Variants in SRPK1 observed in about 807,000 individuals in gnomAD.
SRPK1 encodes the protein SFRS protein kinase 1.
Under a neutral mutation model 89.5 loss-of-function variants are expected in SRPK1, and 52 were observed. The ratio of observed to expected loss-of-function variants is 0.58; its 90% CI spans 0.46 to 0.73. The LOEUF (loss-of-function observed/expected upper bound fraction) is 0.73, where lower values mean the gene tolerates loss of function less well. SRPK1 is among the 30% of genes least tolerant of loss of function. SRPK1 has a pLI of 0.00. For missense variants in SRPK1, 603 were observed against 780.6 expected, an observed-to-expected ratio of 0.77 and a Z score of 2.71; for synonymous variants, 255 against 270.2, an observed-to-expected ratio of 0.94 and a Z score of 0.55.
At chr6:35,897,269 A>T (rs1770644933) in intron 2 of SRPK1, among the ~76,000 whole-genome samples, 1 of 152,236 alleles carries the variant, frequency 6.6e-6, no homozygotes, top group Admixed American at 6.5e-5. Context: ...ATTGAGAGGA[A>T]GAGAGAGATA....
At chr6:35,865,838 G>C (rs928980950) in intron 12 of SRPK1, among the ~76,000 whole-genome samples, 1 of 151,924 alleles carries the variant, frequency 6.6e-6, no homozygotes, top group Non-Finnish European at 1.5e-5. Flanking sequence ...TCATGACTAA[G>C]ACCTCAGGCA....
chr6:35,890,815 A>G, intron 3 of SRPK1, 80 bp downstream of exon 3: 1 of 1,289,542 alleles, frequency 7.8e-7, no homozygotes, highest in Non-Finnish European at 1.0e-6. Flanking sequence ...AACTGTGTTT[A>G]TGCTGATAGA....
At chr6:35,901,576 T>C (rs115701662) in intron 2 of SRPK1, among the ~76,000 whole-genome samples, 151 of 152,342 alleles carry the variant, frequency 9.9e-4, no homozygotes, top group African/African-American at 3.5e-3. Flanking sequence ...AAACCATGTT[T>C]GTATACTTAT....
intron 12 of SRPK1, among the ~76,000 whole-genome samples, chr6:35,861,287 G>T (rs1769777427): frequency 6.6e-6 from 1 of 152,182 alleles, no homozygotes; most frequent in Non-Finnish European, 1.5e-5. Flanking sequence ...TATGATCTTG[G>T]TTATGGGAGA....
At chr6:35,839,379 C>T (rs752796303) in intron 14 of SRPK1, among the ~76,000 whole-genome samples, 1 of 152,238 alleles carries the variant, frequency 6.6e-6, no homozygotes, top group Non-Finnish European at 1.5e-5. Context: ...CTTGAAACTT[C>T]AGGGCTAATA....
chr6:35,879,833 A>G (rs1770234821), intron 6 of SRPK1, among the ~76,000 whole-genome samples: 1 of 152,308 alleles, frequency 6.6e-6, no homozygotes, highest in East Asian at 1.9e-4. Context: ...TCACTTTCAG[A>G]AGCCAAGGCA....
chr6:35,890,820 G>T, intron 3 of SRPK1, 75 bp downstream of exon 3: 1 of 1,338,770 alleles, frequency 7.5e-7, no homozygotes, highest in East Asian at 2.6e-5. Flanking sequence ...TGTTTATGCT[G>T]ATAGATCAAA....
intron 12 of SRPK1, among the ~76,000 whole-genome samples, chr6:35,863,853 ATAT>A (rs1769839077): frequency 6.6e-6 from 1 of 152,204 alleles, no homozygotes; most frequent in East Asian, 1.9e-4. Flanking sequence ...AAAACACAGA[ATAT>A]TATAACACCG....
Position 35,893,502 on chromosome 6 carries a change from G to A in SRPK1, c.75-2489C>T, listed in dbSNP as rs1173218603. ...CTTGTCTCAAAAAAAAAAGGGGTGG[G>A]GGATGATTAACTGAAGGCTTGTATA... On this transcript the variant is annotated intron_variant, in intron 2 of 15. Coordinates refer to ENST00000373825, the MANE Select transcript of SRPK1 (RefSeq NM_003137.5). Among the ~76,000 whole-genome samples the A allele has an allele frequency of 2.0e-5, 3 of 151,802 alleles. No individual in the cohort carries two copies. In the South Asian group the frequency reaches 6.2e-4, roughly 32 times the overall value.
At chr6:35,879,654 C>T (rs796500959) in intron 6 of SRPK1, among the ~76,000 whole-genome samples, 4 of 152,264 alleles carry the variant, frequency 2.6e-5, no homozygotes, top group African/African-American at 9.6e-5. Flanking sequence ...AAAAGAAAAT[C>T]ACAAGGCATA....
intron 2 of SRPK1, among the ~76,000 whole-genome samples, chr6:35,903,206 A>T (rs187036555): frequency 6.6e-6 from 1 of 152,272 alleles, no homozygotes; most frequent in Non-Finnish European, 1.5e-5. Context: ...GCTTACCCTA[A>T]TATTTCAGGA....
At chr6:35,864,238 C>A (rs1769846666) in intron 12 of SRPK1, among the ~76,000 whole-genome samples, 1 of 151,882 alleles carries the variant, frequency 6.6e-6, no homozygotes, top group African/African-American at 2.4e-5. Flanking sequence ...AGAAAACAAT[C>A]AACAAAGTGA....
At chr6:35,868,327 A>C (rs1249742918) in intron 12 of SRPK1, among the ~76,000 whole-genome samples, 2 of 152,164 alleles carry the variant, frequency 1.3e-5, no homozygotes, top group Non-Finnish European at 2.9e-5. Flanking sequence ...ACTATACATC[A>C]AAAAACATAT....
chr6:35,904,563 G>A (rs1257944041), intron 2 of SRPK1, among the ~76,000 whole-genome samples: 2 of 152,144 alleles, frequency 1.3e-5, no homozygotes, highest in Non-Finnish European at 2.9e-5. Flanking sequence ...CACTTTGGGA[G>A]GCCGAGGCAG....
chr6:35,835,173 G>T lies in SRPK1; in HGVS notation c.*131C>A. The stretch of plus-strand genomic sequence containing the variant: ...GTAAGCAAACCCAAATGAACATGTT[G>T]GATTAAAAAAAAAACAAGATCTAGA... On this transcript the variant is annotated 3_prime_UTR_variant, in exon 16 of 16. Coordinates refer to ENST00000373825, the MANE Select transcript of SRPK1 (RefSeq NM_003137.5). 1 of 859,022 alleles carries T rather than the reference G, an allele frequency of 1.2e-6. No homozygotes were observed. The highest frequency in any genetic ancestry group is 1.7e-6 in the Non-Finnish European group (1 of 579,700). The allele number at this position is 859,022 out of a possible 1,614,324, so 53.2% of individuals were successfully genotyped here. A position where few individuals can be genotyped will look rare whatever the true frequency, so the allele number is the denominator to read the frequency against.
At chr6:35,871,073 G>A in intron 8 of SRPK1, 114 bp from the exon 9 acceptor site, 1 of 658,972 alleles carries the variant, frequency 1.5e-6, no homozygotes, top group South Asian at 3.4e-5. Context: ...AGTCTACATT[G>A]CAGAGAAAAC....
In SRPK1 at chr6:35,916,953, G is replaced by A. The variant is rs181578432; in HGVS notation, c.74+3515C>T. On this transcript the variant is annotated intron_variant, in intron 2 of 15. Coordinates refer to ENST00000373825, the MANE Select transcript of SRPK1 (RefSeq NM_003137.5). ...CAGGTGCTTGTAATCTCAGCTACTTGGGAGGCTGAGGCAGGAGAATGGCTT... is the reference window on the plus strand; with the variant it reads ...CAGGTGCTTGTAATCTCAGCTACTTAGGAGGCTGAGGCAGGAGAATGGCTT... 2.9e-3 allele frequency among the ~76,000 whole-genome samples: 449 copies of A among 152,254 alleles called. 3 individuals are homozygous for A. The East Asian group carries it at 0.033, about 11-fold the overall frequency.
Position 35,870,542 on chromosome 6 carries a change from T to A in SRPK1, c.778-48A>T. ...TAAAGCCTTCAGGTGGCTAATTAAT[T>A]ACCCCCAGTTGGAGATAGTTGTTAA... On this transcript the variant is annotated intron_variant, in intron 9 of 15. Transcript: ENST00000373825. 2.0e-6 allele frequency: 3 copies of A among 1,486,400 alleles called. No homozygotes were observed. The South Asian group carries it at 3.8e-5, about 19-fold the overall frequency. The allele number at this position is 1,486,400 out of a possible 1,614,324, so 92.1% of individuals were successfully genotyped here. A position where few individuals can be genotyped will look rare whatever the true frequency, so the allele number is the denominator to read the frequency against.
chr6:35,889,187 T>C (rs1473835742), intron 3 of SRPK1, among the ~76,000 whole-genome samples: 2 of 151,992 alleles, frequency 1.3e-5, no homozygotes, highest in African/African-American at 4.8e-5. Context: ...AATAAAAAGG[T>C]TGTATATCAT....
Sources: allele counts gnomAD v4.1 joint callset (sites outside exome capture counted in the v4.1 genomes callset), GRCh38; gene constraint gnomAD v4.1.1; transcripts MANE v1.5; gene names NCBI Gene and HGNC (gene_info 2026-07-23, HGNC 2026-07-21).